The following CPNE9 variants were observed in gnomAD, a reference collection of about 807,000 sequenced individuals.
CPNE9 encodes copine-9.
Under a neutral mutation model 83.0 loss-of-function variants are expected in CPNE9, and 59 were observed. The ratio of observed to expected loss-of-function variants is 0.71; its 90% CI spans 0.58 to 0.88. The LOEUF (loss-of-function observed/expected upper bound fraction) is 0.88. Ranked by LOEUF, CPNE9 falls within the 40% of genes least tolerant of loss-of-function variation. CPNE9 has a pLI of 0.00. For missense variants in CPNE9, 619 were observed against 720.8 expected (o/e 0.86, Z 1.62); for synonymous variants, 256 against 273.4 (o/e 0.94, Z 0.63).
chr3:9,710,904 T>C (rs1575120154), intron 7 of CPNE9, among the ~76,000 whole-genome samples: 1 of 151,924 alleles, frequency 6.6e-6, no homozygotes, highest in East Asian at 1.9e-4. Context: ...GTGTGTGCAC[T>C]TGTAGTCTCG....
At position 9,704,215 on chromosome 3, in the gene CPNE9, G is replaced by A; in HGVS notation, c.68+151G>A. 1 of 774,848 alleles carries A rather than the reference G, an allele frequency of 1.3e-6. No individual in the cohort carries two copies. Among genetic ancestry groups the A allele is most frequent in the South Asian group, 1.8e-5 (1 of 56,758 alleles). 48.0% of individuals were successfully genotyped at this position (774,848 alleles called of 1,614,324 possible). On this transcript the variant is annotated intron_variant, in intron 1 of 20. Coordinates refer to ENST00000383832, the MANE Select transcript of CPNE9 (RefSeq NM_153635.3). The surrounding 1 kb of genome is among the most constrained non-coding windows in gnomAD (Gnocchi z 7.1). The stretch of plus-strand genomic sequence containing the variant: ...TGATGACAGGGCGAGTAGCTGGTGG[G>A]ATCGAGAAGCGGGGGGTCTTGGGCA...
At chr3:9,707,352 C>CA (rs779965477) in intron 7 of CPNE9, among the ~76,000 whole-genome samples, 8,776 of 50,350 alleles carry the variant, frequency 0.17, 1,017 homozygotes, top group African/African-American at 0.29. Flanking sequence ...GATTCTGTCT[C>CA]AAAAAAAAAA....
rs750994087 is a variant in CPNE9 at position 9,718,503 on chromosome 3, C to G, written c.1142C>G (p.Ala381Gly). 2 of 1,613,320 alleles carry G rather than the reference C, an allele frequency of 1.2e-6. No individual in the cohort carries two copies. Among genetic ancestry groups the G allele is most frequent in the Admixed American group, 3.3e-5 (2 of 59,996 alleles). ...LNNNDEDPNC[A>G]GIEGVLESYF... ...AACAATGATGAGGACCCCAACTGTG[C>G]GGGCATCGAGGGTGTGCTGGAGAGC... Residue 381 changes from alanine (A) to glycine (G), a missense_variant, in exon 17 of 21, where the codon GCG becomes GGG. This residue lies in a region of CPNE9 where 438 missense variants were observed against 562.9 expected (regional missense o/e 0.78). Transcript: ENST00000383832.
At chr3:9,705,419 T>TGCC in intron 4 of CPNE9, 45 bp from the exon 5 acceptor site, 1 of 662,640 alleles carries the variant, frequency 1.5e-6, no homozygotes, top group Non-Finnish European at 2.7e-6. Flanking sequence ...TTCCACCCTC[T>TGCC]CCCCCACCCA....
intron 10 of CPNE9, 59 bp downstream of exon 10, chr3:9,713,138 G>C: frequency 1.6e-6 from 2 of 1,281,128 alleles, no homozygotes; most frequent in Non-Finnish European, 2.3e-6. Context: ...GTGGTTCCTG[G>C]GCCCAAGAAT....
intron 19 of CPNE9, 73 bp from the exon 20 acceptor site, chr3:9,727,040 A>C: frequency 6.7e-7 from 1 of 1,494,354 alleles, no homozygotes; most frequent in Non-Finnish European, 9.3e-7. Context: ...TCCAAAGGGG[A>C]GCTCAAAGGG....
intron 7 of CPNE9, among the ~76,000 whole-genome samples, chr3:9,709,073 A>C (rs2076595650): frequency 6.6e-6 from 1 of 151,124 alleles, no homozygotes; most frequent in African/African-American, 2.4e-5. Context: ...CCAGAGTTCC[A>C]GACCAGCCTG....
intron 17 of CPNE9, among the ~76,000 whole-genome samples, chr3:9,721,075 A>ATTAT (rs1211535000): frequency 6.6e-6 from 1 of 152,232 alleles, no homozygotes; most frequent in African/African-American, 2.4e-5. Flanking sequence ...TATTATTATC[A>ATTAT]TTATTACTAT....
At chr3:9,717,202 C>T (rs1441919735) in intron 15 of CPNE9, 98 bp downstream of exon 15, 7 of 1,347,914 alleles carry the variant, frequency 5.2e-6, no homozygotes, top group Non-Finnish European at 7.4e-6. Context: ...TAAGAGTTTA[C>T]CTACCCAAGA....
chr3:9,715,055 C>T, intron 11 of CPNE9, 100 bp downstream of exon 11: 1 of 1,147,394 alleles, frequency 8.7e-7, no homozygotes, highest in Non-Finnish European at 1.3e-6. Flanking sequence ...GCTTTAGGAG[C>T]CAGGAAAGGT....
At chr3:9,711,444 C>T (rs708576) in intron 7 of CPNE9, among the ~76,000 whole-genome samples, 27,001 of 151,858 alleles carry the variant, frequency 0.18, 3,202 homozygotes, top group Non-Finnish European at 0.24. Context: ...CTCGAGCTCC[C>T]GACCTCAGGT....
intron 17 of CPNE9, among the ~76,000 whole-genome samples, chr3:9,724,911 C>T (rs2076764258): frequency 6.6e-6 from 1 of 152,086 alleles, no homozygotes; most frequent in African/African-American, 2.4e-5. Context: ...CACCCACCAC[C>T]ACGCCTGGCT....
Position 9,727,193 on chromosome 3 carries a change from C to T in CPNE9, c.1476+7C>T. The T allele has an allele frequency of 6.2e-7, 1 of 1,614,176 alleles. No homozygotes were observed. Among genetic ancestry groups the T allele is most frequent in the East Asian group, 2.2e-5 (1 of 44,886 alleles). Reference sequence around the variant, plus strand: ...AGAGCGGGACATCGTTCAGGTAGACCTGACGTGGGAGAGGCTGTGGAGCTG... The same window carrying T: ...AGAGCGGGACATCGTTCAGGTAGACTTGACGTGGGAGAGGCTGTGGAGCTG... On this transcript the variant is annotated splice_region_variant and intron_variant, in intron 20 of 20. Transcript: ENST00000383832.
At chr3:9,715,251 G>A (rs183717410) in intron 11 of CPNE9, 38 bp from the exon 12 acceptor site, 2 of 1,605,440 alleles carry the variant, frequency 1.2e-6, no homozygotes, top group East Asian at 4.5e-5. Context: ...TTCCAAACCA[G>A]CAGCACCTGC....
chr3:9,706,676 C>T (rs958562924), intron 7 of CPNE9, among the ~76,000 whole-genome samples: 7 of 151,998 alleles, frequency 4.6e-5, no homozygotes, highest in Non-Finnish European at 8.8e-5. Flanking sequence ...GGGAAAGAGA[C>T]GAAGTAGAGC....
At chr3:9,706,660 G>A (rs1034160761) in intron 7 of CPNE9, among the ~76,000 whole-genome samples, 1 of 152,210 alleles carries the variant, frequency 6.6e-6, no homozygotes, top group South Asian at 2.1e-4. Context: ...AATATTAAGT[G>A]CTATGGGGAA....
chr3:9,708,924 G>A (rs980131702), intron 7 of CPNE9, among the ~76,000 whole-genome samples: 74 of 148,776 alleles, frequency 5.0e-4, no homozygotes, highest in Admixed American at 4.6e-3. Context: ...GTGAGCCACC[G>A]CACCCGGCCC....
chr3:9,718,340 A>G, intron 16 of CPNE9, 130 bp downstream of exon 16: 1 of 1,384,928 alleles, frequency 7.2e-7, no homozygotes, highest in Non-Finnish European at 9.9e-7. Context: ...ATAGCAGAGC[A>G]GGGAGGGGAG....
rs752945937 is a variant in CPNE9 at position 9,718,056 on chromosome 3, A to T, written c.959A>T (p.His320Leu). Residue 320 changes from histidine (H) to leucine (L), a missense_variant, in exon 16 of 21, where the codon CAC (histidine) becomes CTC (leucine). Physicochemically the swap from His to Leu is moderately conservative, Grantham distance 99. Coordinates refer to ENST00000383832, the MANE Select transcript of CPNE9 (RefSeq NM_153635.3). ...AATCCTCTGCAGCCTACCTCCCTGC[A>T]CTACATGAGTCCCTACCAGCTCAGC... ...NGNPLQPTSL[H>L]YMSPYQLSAY... is the part of the protein sequence containing the mutation. The T allele has an allele frequency of 6.2e-7, 1 of 1,613,466 alleles. No homozygotes were observed. Among genetic ancestry groups the T allele is most frequent in the Non-Finnish European group, 8.5e-7 (1 of 1,179,682 alleles).
Sources: gnomAD v4.1 joint callset for allele counts (sites outside exome capture counted in the v4.1 genomes callset) on GRCh38, gnomAD v4.1.1 for gene constraint, gnomAD v4.1.1 regional missense constraint, Gnocchi (gnomAD v3.1) non-coding constraint, MANE v1.5 for transcripts, NCBI Gene and HGNC (gene_info 2026-07-23, HGNC 2026-07-21) for gene names.